Variants in VKORC1L1 observed in about 807,000 individuals in gnomAD.
The protein encoded by VKORC1L1 is vitamin K epoxide reductase complex subunit 1L1.
In VKORC1L1, 2 loss-of-function variants were observed where a neutral mutation model predicts 18.9. The observed-to-expected ratio is 0.11, with a 90% CI of 0.04 to 0.33. The LOEUF is 0.33. VKORC1L1 is among the 10% of genes least tolerant of loss of function. VKORC1L1 has a pLI of 1.00. For synonymous variants in VKORC1L1, 96 were observed against 100.0 expected (o/e 0.96, Z 0.24); for missense variants, 123 against 224.1 (o/e 0.55, Z 2.88).
chr7:65,942,357 T>G (rs1435727593), intron 1 of VKORC1L1, among the ~76,000 whole-genome samples: 1 of 151,222 alleles, frequency 6.6e-6, no homozygotes, highest in Non-Finnish European at 1.5e-5. Flanking sequence ...CCTGACATGG[T>G]GGCGGGCACC....
chr7:65,908,445 A>T (rs1789443602), intron 1 of VKORC1L1, among the ~76,000 whole-genome samples: 1 of 152,046 alleles, frequency 6.6e-6, no homozygotes, highest in Admixed American at 6.6e-5. Flanking sequence ...ATTCAAGATT[A>T]TTTATCTGGA....
At position 65,892,870 on chromosome 7, in the gene VKORC1L1, C is replaced by T. The variant is rs114543630; in HGVS notation, c.194+19305C>T. Among the ~76,000 whole-genome samples, 1,084 of 152,312 alleles carry T rather than the reference C, an allele frequency of 7.1e-3. 16 individuals carry two copies. The highest frequency in any genetic ancestry group is 0.024 in the African/African-American group (1,018 of 41,572). On this transcript the variant is annotated intron_variant, in intron 1 of 2. Transcript: ENST00000360768. ...CATTGTCTTAAGTACTGTATTTCAG[C>T]AATTCTCAAAGTGTGGTCCCAGGAC... is the stretch of plus-strand genomic sequence containing the variant.
At position 65,880,981 on chromosome 7, in the gene VKORC1L1, G is replaced by C. The variant is rs187083081; in HGVS notation, c.194+7416G>C. Among the ~76,000 whole-genome samples the C allele has an allele frequency of 8.3e-4, 127 of 152,236 alleles. 1 individual carries two copies. The South Asian group carries it at 0.012, about 15-fold the overall frequency. On this transcript the variant is annotated intron_variant, in intron 1 of 2. Transcript: ENST00000360768. ...GTGAGCATTTCCGTTGAGTGTCATT[G>C]GCACTCAAAGTTTTGGATTTTGGAC...
chr7:65,912,222 T>G (rs549215421), intron 1 of VKORC1L1, among the ~76,000 whole-genome samples: 62 of 152,388 alleles, frequency 4.1e-4, no homozygotes, highest in African/African-American at 1.3e-3. Flanking sequence ...GTCTACTATT[T>G]TAACTAGAAT....
chr7:65,952,294 T>G (rs1356231510), intron 2 of VKORC1L1, among the ~76,000 whole-genome samples: 2 of 152,238 alleles, frequency 1.3e-5, no homozygotes, highest in Non-Finnish European at 2.9e-5. Flanking sequence ...CCGCAGCCAC[T>G]CAACTCTTCT....
At chr7:65,931,272 CCCT>C (rs1256988684) in intron 1 of VKORC1L1, among the ~76,000 whole-genome samples, 3 of 151,302 alleles carry the variant, frequency 2.0e-5, no homozygotes, top group African/African-American at 7.3e-5. Context: ...AAGAAGTGTT[CCCT>C]CCTCTTCTGT....
chr7:65,885,371 A>G (rs931935255), intron 1 of VKORC1L1, among the ~76,000 whole-genome samples: 1 of 152,056 alleles, frequency 6.6e-6, no homozygotes, highest in East Asian at 1.9e-4. Context: ...TGATGTCTTT[A>G]CATAGAAGTG....
rs138190314 is a variant in VKORC1L1, at chr7:65,941,397, G to A, written c.195-7274G>A. On this transcript the variant is annotated intron_variant, in intron 1 of 2. Coordinates refer to ENST00000360768, the MANE Select transcript of VKORC1L1 (RefSeq NM_173517.6). The stretch of plus-strand genomic sequence containing the variant: ...TCCCAAAGTGCTGGATTACAGGCAT[G>A]AGCCACCATGCCCTGCCAAAGTTCT... Among the ~76,000 whole-genome samples the A allele has an allele frequency of 4.5e-3, 681 of 152,236 alleles. 8 individuals are homozygous for A. Among genetic ancestry groups the A allele is most frequent in the African/African-American group, 0.016 (649 of 41,536 alleles).
At chr7:65,892,076 A>G (rs997801505) in intron 1 of VKORC1L1, among the ~76,000 whole-genome samples, 1 of 152,134 alleles carries the variant, frequency 6.6e-6, no homozygotes, top group Non-Finnish European at 1.5e-5. Context: ...TCTTAACATA[A>G]TGTCCTCCAG....
chr7:65,934,082 T>C (rs1222872940), intron 1 of VKORC1L1, among the ~76,000 whole-genome samples: 3 of 152,180 alleles, frequency 2.0e-5, no homozygotes, highest in Non-Finnish European at 4.4e-5. Flanking sequence ...GATGCATCTT[T>C]AGTCAGTTTT....
intron 1 of VKORC1L1, among the ~76,000 whole-genome samples, chr7:65,899,870 C>T (rs953818773): frequency 1.3e-5 from 2 of 151,756 alleles, no homozygotes; most frequent in Non-Finnish European, 2.9e-5. Flanking sequence ...CGTGGTGGTA[C>T]ATGCCTGTAA....
At chr7:65,924,262 A>G (rs1789724445) in intron 1 of VKORC1L1, among the ~76,000 whole-genome samples, 2 of 152,236 alleles carry the variant, frequency 1.3e-5, no homozygotes, top group Admixed American at 6.5e-5. Context: ...ACCCTGGACC[A>G]GGTTCAATGC....
upstream of VKORC1L1, among the ~76,000 whole-genome samples, chr7:65,869,471 A>C (rs183254743): frequency 6.6e-6 from 1 of 152,180 alleles, no homozygotes; most frequent in South Asian, 2.1e-4. Context: ...CAAAAGGATC[A>C]TAAGAGCCAT....
chr7:65,888,083 CT>C (rs1414770084), intron 1 of VKORC1L1, among the ~76,000 whole-genome samples: 1 of 152,116 alleles, frequency 6.6e-6, no homozygotes, highest in Non-Finnish European at 1.5e-5. Flanking sequence ...AAACCCGCCC[CT>C]GTGTGTGTAT....
At chr7:65,929,682 GTA>G (rs34648135) in intron 1 of VKORC1L1, among the ~76,000 whole-genome samples, 4 of 128,622 alleles carry the variant, frequency 3.1e-5, no homozygotes, top group East Asian at 2.4e-4. Flanking sequence ...GTGTGTGTGT[GTA>G]TATATATATA....
At chr7:65,911,363 A>G (rs1309047486) in intron 1 of VKORC1L1, among the ~76,000 whole-genome samples, 2 of 152,158 alleles carry the variant, frequency 1.3e-5, no homozygotes, top group Admixed American at 1.3e-4. Flanking sequence ...AAACCCATGC[A>G]TTTTCTCAGA....
At chr7:65,909,309 A>T (rs73142162) in intron 1 of VKORC1L1, among the ~76,000 whole-genome samples, 16,578 of 151,428 alleles carry the variant, frequency 0.11, 1,058 homozygotes, top group Middle Eastern at 0.2. Context: ...TGACAATATA[A>T]AGCTAAGCTT....
chr7:65,894,101 C>A (rs1235730219), intron 1 of VKORC1L1, among the ~76,000 whole-genome samples: 1 of 151,928 alleles, frequency 6.6e-6, no homozygotes, highest in Non-Finnish European at 1.5e-5. Flanking sequence ...ATTACAGGCA[C>A]CTACTAGCAC....
intron 1 of VKORC1L1, among the ~76,000 whole-genome samples, chr7:65,909,211 T>G (rs1281778016): frequency 6.8e-6 from 1 of 147,362 alleles, no homozygotes; most frequent in Non-Finnish European, 1.5e-5. Flanking sequence ...CTCAAACTCC[T>G]CACCTCAAGC....
Sources: gnomAD v4.1 joint callset for allele counts (sites outside exome capture counted in the v4.1 genomes callset) on GRCh38, gnomAD v4.1.1 for gene constraint, MANE v1.5 for transcripts, NCBI Gene and HGNC (gene_info 2026-07-23, HGNC 2026-07-21) for gene names.